Variants in STAT1 observed in about 807,000 individuals in gnomAD.
The protein encoded by STAT1 is signal transducer and activator of transcription 1, also known as signal transducer and activator of transcription 1-alpha/beta.
A neutral mutation model predicts 111.7 loss-of-function variants in STAT1; 24 were observed. The ratio of observed to expected loss-of-function variants is 0.21; its 90% CI spans 0.16 to 0.30. STAT1 has a LOEUF of 0.30. Ranked by LOEUF, STAT1 falls within the 10% of genes least tolerant of loss-of-function variation. The pLI is 1.00. For synonymous variants in STAT1, 332 were observed against 326.5 expected (o/e 1.02, Z -0.18); for missense variants, 351 against 911.9 (o/e 0.38, Z 7.92).
Position 190,984,779 on chromosome 2 carries a change from T to C in STAT1, c.1264-386A>G. 6.6e-6 allele frequency among the ~76,000 whole-genome samples: 1 copy of C among 152,228 alleles called. No individual in the cohort carries two copies. The highest frequency in any genetic ancestry group is 1.5e-5 in the Non-Finnish European group (1 of 68,034). On this transcript the variant is annotated intron_variant, in intron 15 of 24. Transcript: ENST00000361099. The surrounding 1 kb of genome is among the most constrained non-coding windows in gnomAD (Gnocchi z 5.2). Reference sequence around the variant, plus strand: ...TAAGTGCATACTTGTGATTGTCTACTGCCTACCGGAAGGGCTGACTCACAT... The same window carrying C: ...TAAGTGCATACTTGTGATTGTCTACCGCCTACCGGAAGGGCTGACTCACAT...
rs987592019 is a variant in STAT1 at position 190,982,810 on chromosome 2, C to T, written c.1447-292G>A. Among the ~76,000 whole-genome samples, 1 of 152,208 alleles carries T rather than the reference C, an allele frequency of 6.6e-6. No homozygotes were observed. Among genetic ancestry groups the T allele is most frequent in the South Asian group, 2.1e-4 (1 of 4,832 alleles). Reference sequence around the variant, plus strand: ...CAGCAGCACACAGCAGCAAAGAATTCGAGTCTCTTAACACGCTTCCAACTG... The same window carrying T: ...CAGCAGCACACAGCAGCAAAGAATTTGAGTCTCTTAACACGCTTCCAACTG... On this transcript the variant is annotated intron_variant, in intron 17 of 24. Coordinates refer to ENST00000361099, the MANE Select transcript of STAT1 (RefSeq NM_007315.4). The surrounding 1 kb of genome is among the most constrained non-coding windows in gnomAD (Gnocchi z 7.3).
intron 5 of STAT1, among the ~76,000 whole-genome samples, chr2:191,001,804 C>T (rs146569436): frequency 5.1e-4 from 78 of 152,300 alleles, no homozygotes; most frequent in Admixed American, 1.2e-3. Flanking sequence ...TTGCTTCATA[C>T]ACCAGATGTA....
chr2:190,998,057 G>T lies in STAT1; in HGVS notation c.634-50C>A. ...TGAAATAAATTCATTTTTAATCACT[G>T]AATTTTAAAATATTTTTTAAAAGAA... On this transcript the variant is annotated intron_variant, in intron 8 of 24. Transcript: ENST00000361099. The surrounding 1 kb of genome is among the most constrained non-coding windows in gnomAD (Gnocchi z 4.1). 1.3e-6 allele frequency: 2 copies of T among 1,597,786 alleles called. No homozygotes were observed. The highest frequency in any genetic ancestry group is 2.2e-5 in the South Asian group (2 of 89,790).
Position 190,996,265 on chromosome 2 carries a change from GCAGTAATGACAGA to G in STAT1, c.786-1059_786-1047del, listed in dbSNP as rs143666930. Among the ~76,000 whole-genome samples the G allele has an allele frequency of 9.4e-3, 1,432 of 152,316 alleles. 23 individuals carry two copies. The highest frequency in any genetic ancestry group is 0.032 in the African/African-American group (1,324 of 41,562). On this transcript the variant is annotated intron_variant, in intron 9 of 24. Transcript: ENST00000361099. The surrounding 1 kb of genome is among the most constrained non-coding windows in gnomAD (Gnocchi z 4.5). ...TGGGGAAACGCTGTTTTATTCACTT[GCAGTAATGACAGA>G]AGAAAACCTTTTAAAAGTGTCTTCT...
At chr2:190,992,704 C>T in intron 10 of STAT1, 1 of 1,268,330 alleles carries the variant, frequency 7.9e-7, no homozygotes, top group Non-Finnish European at 1.0e-6. Flanking sequence ...GACTTCTCAG[C>T]ACCACCAGCT....
At chr2:191,002,878 A>G (rs1694381723) in intron 5 of STAT1, among the ~76,000 whole-genome samples, 1 of 152,210 alleles carries the variant, frequency 6.6e-6, no homozygotes, top group African/African-American at 2.4e-5. Context: ...AGATCTTTTC[A>G]GCTTCTGTGG....
rs993037360 is a variant in STAT1, at chr2:190,980,311, C to A, written c.1632+309G>T. 2.0e-5 allele frequency among the ~76,000 whole-genome samples: 3 copies of A among 152,206 alleles called. No homozygotes were observed. Among genetic ancestry groups the A allele is most frequent in the Non-Finnish European group, 4.4e-5 (3 of 68,036 alleles). ...GGCTGGTCAGGCTGCGCCACCCAGC[C>A]CACAACATACATTTCACACAGAAAT... On this transcript the variant is annotated intron_variant, in intron 19 of 24. Transcript: ENST00000361099. This position sits in a 1 kb window ranked among gnomAD's most constrained non-coding sequence, Gnocchi z 6.1.
At chr2:191,011,862 T>C (rs1695147103) in intron 2 of STAT1, among the ~76,000 whole-genome samples, 1 of 152,074 alleles carries the variant, frequency 6.6e-6, no homozygotes. Context: ...GGCAGTTCTT[T>C]ATAGCAGCAT....
chr2:191,009,745 C>T (rs1694985863), intron 3 of STAT1, 131 bp downstream of exon 3: 1 of 1,356,272 alleles, frequency 7.4e-7, no homozygotes, highest in Admixed American at 1.7e-5. Context: ...AATCAACAAA[C>T]TTTTCTACAA....
chr2:190,993,057 T>G lies in STAT1; in HGVS notation c.945-1737A>C. The stretch of plus-strand genomic sequence containing the variant: ...CACCCACCTCGGCCTCCCAAAGTGC[T>G]GGGATTACAGGCATGAGCCACCGTG... On this transcript the variant is annotated intron_variant, in intron 10 of 24. Transcript: ENST00000361099. The surrounding 1 kb of genome is among the most constrained non-coding windows in gnomAD (Gnocchi z 4.1). 1 of 331,958 alleles carries G rather than the reference T, an allele frequency of 3.0e-6. No homozygotes were observed. Among genetic ancestry groups the G allele is most frequent in the South Asian group, 2.7e-5 (1 of 37,020 alleles). 20.6% of individuals were successfully genotyped at this position (331,958 alleles called of 1,614,324 possible).
Position 190,984,440 on chromosome 2 carries a change from T to C in STAT1, c.1264-47A>G, listed in dbSNP as rs771802027. On this transcript the variant is annotated intron_variant, in intron 15 of 24. Coordinates refer to ENST00000361099, the MANE Select transcript of STAT1 (RefSeq NM_007315.4). This position sits in a 1 kb window ranked among gnomAD's most constrained non-coding sequence, Gnocchi z 5.2. ...AGAAAAGAATATAATTATTCACAGA[T>C]CCTAAAACTTTCAAAAGCCCAATTA... The C allele has an allele frequency of 1.3e-6, 2 of 1,548,746 alleles. No individual in the cohort carries two copies. The highest frequency in any genetic ancestry group is 2.3e-5 in the South Asian group (2 of 88,632).
rs1450321293 is a variant in STAT1 at position 190,993,285 on chromosome 2, C to T, written c.944+1776G>A. The T allele has an allele frequency of 4.7e-6, 3 of 643,408 alleles. No homozygotes were observed. The East Asian group carries it at 8.7e-5, about 19-fold the overall frequency. 39.9% of individuals were successfully genotyped at this position (643,408 alleles called of 1,614,324 possible). Reference sequence around the variant, plus strand: ...TTAATATTATTGAAGGACTCCTGATCTGTCACATCATACACCACTAGGATG... The same window carrying T: ...TTAATATTATTGAAGGACTCCTGATTTGTCACATCATACACCACTAGGATG... On this transcript the variant is annotated intron_variant, in intron 10 of 24. Transcript: ENST00000361099. The surrounding 1 kb of genome is among the most constrained non-coding windows in gnomAD (Gnocchi z 4.1).
chr2:190,995,733 C>T lies in STAT1; in HGVS notation c.786-514G>A, dbSNP rs1693805744. On this transcript the variant is annotated intron_variant, in intron 9 of 24. Transcript: ENST00000361099. This position sits in a 1 kb window ranked among gnomAD's most constrained non-coding sequence, Gnocchi z 4.2. Reference sequence around the variant, plus strand: ...GCCCTCTAGGGAAAAACAAAGGGAACGAGGCTTGTGCCAGCAGTAGAAGCT... The same window carrying T: ...GCCCTCTAGGGAAAAACAAAGGGAATGAGGCTTGTGCCAGCAGTAGAAGCT... 6.6e-6 allele frequency among the ~76,000 whole-genome samples: 1 copy of T among 152,162 alleles called. No homozygotes were observed. The highest frequency in any genetic ancestry group is 2.4e-5 in the African/African-American group (1 of 41,422).
Position 191,008,946 on chromosome 2 carries a change from C to T in STAT1, c.273+17G>A. 1 of 1,610,440 alleles carries T rather than the reference C, an allele frequency of 6.2e-7. No homozygotes were observed. Among genetic ancestry groups the T allele is most frequent in the South Asian group, 1.1e-5 (1 of 90,920 alleles). On this transcript the variant is annotated intron_variant, in intron 4 of 24. Transcript: ENST00000361099. Reference sequence around the variant, plus strand: ...ACATGAGAACATTTCAACTAAAATACAAAAACCAGGTCATACCTGAAGATT... The same window carrying T: ...ACATGAGAACATTTCAACTAAAATATAAAAACCAGGTCATACCTGAAGATT...
chr2:190,993,203 A>G lies in STAT1; in HGVS notation c.944+1858T>C. Reference sequence around the variant, plus strand: ...TGTGGTCAGATCACACTTGTTCCCTACCAACAATTTGTTGACGTTTTCACT... The same window carrying G: ...TGTGGTCAGATCACACTTGTTCCCTGCCAACAATTTGTTGACGTTTTCACT... On this transcript the variant is annotated intron_variant, in intron 10 of 24. Coordinates refer to ENST00000361099, the MANE Select transcript of STAT1 (RefSeq NM_007315.4). This position sits in a 1 kb window ranked among gnomAD's most constrained non-coding sequence, Gnocchi z 4.1. 1 of 546,220 alleles carries G rather than the reference A, an allele frequency of 1.8e-6. No individual in the cohort carries two copies. The allele number at this position is 546,220 out of a possible 1,614,324, so 33.8% of individuals were successfully genotyped here.
chr2:191,001,209 G>T, intron 5 of STAT1, 46 bp from the exon 6 acceptor site: 2 of 1,483,206 alleles, frequency 1.3e-6, no homozygotes, highest in Non-Finnish European at 9.4e-7. Flanking sequence ...TCTTCAGGGT[G>T]TGTACTTGCT....
At position 190,974,056 on chromosome 2, in the gene STAT1, TTAAA is replaced by T. The variant is rs1187239794; in HGVS notation, c.2238+770_2238+773del. ...TAACTCAGGATATTTTTTGGAAGCA[TTAAA>T]TAAATTTTTAAAAATGAGCTGGAAT... is the stretch of plus-strand genomic sequence containing the variant. On this transcript the variant is annotated intron_variant, in intron 24 of 24. Transcript: ENST00000361099. The surrounding 1 kb of genome is among the most constrained non-coding windows in gnomAD (Gnocchi z 4.8). 2.6e-5 allele frequency among the ~76,000 whole-genome samples: 4 copies of T among 152,120 alleles called. No individual in the cohort carries two copies. Among genetic ancestry groups the T allele is most frequent in the African/African-American group, 9.7e-5 (4 of 41,420 alleles).
At chr2:191,005,155 T>C (rs1255526210) in intron 5 of STAT1, among the ~76,000 whole-genome samples, 1 of 152,212 alleles carries the variant, frequency 6.6e-6, no homozygotes, top group Non-Finnish European at 1.5e-5. Context: ...ATTTTGCATG[T>C]TTTTAACTTG....
At chr2:190,991,534 A>G (rs1310826283) in intron 10 of STAT1, among the ~76,000 whole-genome samples, 1 of 152,190 alleles carries the variant, frequency 6.6e-6, no homozygotes, top group African/African-American at 2.4e-5. Flanking sequence ...GAATAACTGT[A>G]ATGATCTGTG....
Sources: allele counts gnomAD v4.1 joint callset (sites outside exome capture counted in the v4.1 genomes callset), GRCh38; gene constraint gnomAD v4.1.1; non-coding constraint Gnocchi (gnomAD v3.1); transcripts MANE v1.5; gene names NCBI Gene and HGNC (gene_info 2026-07-23, HGNC 2026-07-21).